Variants in TAFA1 observed in about 807,000 individuals in gnomAD.
TAFA1 encodes the protein chemokine-like protein TAFA-1.
In TAFA1, 4 loss-of-function variants were observed where a neutral mutation model predicts 18.5. The observed-to-expected ratio is 0.22, with a 90% CI of 0.11 to 0.49. The LOEUF (loss-of-function observed/expected upper bound fraction) is 0.49, where lower values mean the gene tolerates loss of function less well. TAFA1 is among the 20% of genes least tolerant of loss of function. TAFA1 has a pLI of 0.98. For synonymous variants in TAFA1, 56 were observed against 55.2 expected (o/e 1.01, Z -0.06); for missense variants, 147 against 169.0 (o/e 0.87, Z 0.72).
chr3:68,241,132 T>C (rs998078293), intron 2 of TAFA1, among the ~76,000 whole-genome samples: 5 of 152,170 alleles, frequency 3.3e-5, no homozygotes, highest in African/African-American at 1.2e-4. Context: ...AGGTCAGTTA[T>C]CTGCGGTTAT....
intron 2 of TAFA1, among the ~76,000 whole-genome samples, chr3:68,300,993 C>CTAATA (rs1331219807): frequency 2.0e-5 from 3 of 152,048 alleles, no homozygotes; most frequent in Admixed American, 2.0e-4. Context: ...TGAGAACAGA[C>CTAATA]TAATATAATA....
intron 2 of TAFA1, among the ~76,000 whole-genome samples, chr3:68,239,596 G>T (rs939856007): frequency 2.0e-5 from 3 of 152,032 alleles, no homozygotes; most frequent in African/African-American, 7.2e-5. Flanking sequence ...TTTGAAGAAG[G>T]GTCTATGCTT....
chr3:68,218,238 T>G (rs985961213), intron 2 of TAFA1, among the ~76,000 whole-genome samples: 1 of 152,128 alleles, frequency 6.6e-6, no homozygotes, highest in African/African-American at 2.4e-5. Context: ...GATTTCAGAT[T>G]TTTTTCTCAA....
intron 2 of TAFA1, among the ~76,000 whole-genome samples, chr3:68,346,056 G>A (rs1014202135): frequency 2.0e-5 from 3 of 152,158 alleles, no homozygotes; most frequent in African/African-American, 7.2e-5. Context: ...CTAGCTGCAT[G>A]TGGATCAGAT....
chr3:68,321,983 A>G (rs910933939), intron 2 of TAFA1, among the ~76,000 whole-genome samples: 6 of 152,182 alleles, frequency 3.9e-5, no homozygotes, highest in African/African-American at 1.4e-4. Context: ...ATTCCCAAAG[A>G]CAGAGTTTTT....
chr3:68,393,686 C>T (rs191285593), intron 2 of TAFA1, among the ~76,000 whole-genome samples: 5 of 152,222 alleles, frequency 3.3e-5, no homozygotes, highest in East Asian at 3.9e-4. Context: ...AGCTTCATCC[C>T]GAGGATGCAA....
chr3:68,455,334 A>G (rs1437008882), intron 3 of TAFA1, among the ~76,000 whole-genome samples: 1 of 152,132 alleles, frequency 6.6e-6, no homozygotes, highest in African/African-American at 2.4e-5. Context: ...ACAGAAATGC[A>G]TCATAACATT....
chr3:68,156,754 T>C lies in TAFA1; in HGVS notation c.118+150010T>C, dbSNP rs1456350791. ...AATATTAATAATAACTATAATTTAC[T>C]GAGTATGTGTTCTGTGCCAGGGAAA... On this transcript the variant is annotated intron_variant, in intron 2 of 4. Coordinates refer to ENST00000478136, the MANE Select transcript of TAFA1 (RefSeq NM_213609.4). Among the ~76,000 whole-genome samples the C allele has an allele frequency of 9.7e-5, 13 of 133,992 alleles. No individual in the cohort carries two copies. In the Admixed American group the frequency reaches 1.0e-3, roughly 10 times the overall value. 87.9% of individuals were successfully genotyped at this position (133,992 alleles called of 152,430 possible).
intron 2 of TAFA1, among the ~76,000 whole-genome samples, chr3:68,238,295 C>G (rs1295020424): frequency 2.6e-5 from 4 of 152,174 alleles, no homozygotes; most frequent in African/African-American, 9.6e-5. Context: ...ACCTTCCTCC[C>G]TCAGGCTGAG....
chr3:68,192,704 TTA>T (rs1190985909), intron 2 of TAFA1: 2 of 85,278 alleles, frequency 2.3e-5, no homozygotes, highest in East Asian at 7.9e-4. Flanking sequence ...TGTTAAATCA[TTA>T]GTATTAAAAA....
chr3:68,180,604 C>A (rs967740972), intron 2 of TAFA1, among the ~76,000 whole-genome samples: 1 of 152,128 alleles, frequency 6.6e-6, no homozygotes, highest in Admixed American at 6.5e-5. Context: ...TAGTGTCTGC[C>A]CCTTCTAGAG....
At chr3:68,061,581 C>G (rs77013788) in intron 2 of TAFA1, among the ~76,000 whole-genome samples, 1,759 of 152,188 alleles carry the variant, frequency 0.012, 41 homozygotes, top group African/African-American at 0.039. Context: ...TCACTGAAAG[C>G]TGGGAAGGGG....
chr3:68,135,682 A>T (rs974850549), intron 2 of TAFA1, among the ~76,000 whole-genome samples: 5 of 152,222 alleles, frequency 3.3e-5, no homozygotes, highest in African/African-American at 1.2e-4. Flanking sequence ...TGTATGCTCA[A>T]AGTTGGAAGT....
At chr3:68,280,145 A>AT (rs2067872642) in intron 2 of TAFA1, among the ~76,000 whole-genome samples, 1 of 152,188 alleles carries the variant, frequency 6.6e-6, no homozygotes, top group African/African-American at 2.4e-5. Context: ...GCACTTGAGA[A>AT]AACAGGATAA....
At chr3:68,284,072 T>C (rs1369658138) in intron 2 of TAFA1, among the ~76,000 whole-genome samples, 1 of 152,154 alleles carries the variant, frequency 6.6e-6, no homozygotes. Context: ...TCTGTGTAGA[T>C]ACCCACCTTG....
At chr3:68,041,379 T>A (rs1297123258) in intron 2 of TAFA1, among the ~76,000 whole-genome samples, 1 of 152,246 alleles carries the variant, frequency 6.6e-6, no homozygotes, top group African/African-American at 2.4e-5. Context: ...AACACACATA[T>A]ATGCCTTTGA....
intron 2 of TAFA1, among the ~76,000 whole-genome samples, chr3:68,267,122 T>A (rs1226418201): frequency 1.3e-5 from 2 of 152,186 alleles, no homozygotes; most frequent in African/African-American, 2.4e-5. Context: ...TTATTCCGAC[T>A]CATTTGTGTA....
chr3:68,544,169 A>G (rs2073420548), intron 4 of TAFA1, among the ~76,000 whole-genome samples: 2 of 152,100 alleles, frequency 1.3e-5, no homozygotes, highest in Non-Finnish European at 2.9e-5. Flanking sequence ...GGCTCTTTCC[A>G]GGATAGGGCC....
intron 2 of TAFA1, among the ~76,000 whole-genome samples, chr3:68,306,908 A>G (rs897256405): frequency 2.0e-5 from 3 of 152,258 alleles, no homozygotes; most frequent in East Asian, 3.9e-4. Context: ...AAATACCTAC[A>G]TTTCTTTTCT....
Sources: allele counts gnomAD v4.1 joint callset (sites outside exome capture counted in the v4.1 genomes callset), GRCh38; gene constraint gnomAD v4.1.1; transcripts MANE v1.5; gene names NCBI Gene and HGNC (gene_info 2026-07-23, HGNC 2026-07-21).